Variants in SUN1 observed in about 807,000 individuals in gnomAD.
The protein encoded by SUN1 is Sad1 and UNC84 domain containing 1.
In SUN1, 61 loss-of-function variants were observed where a neutral mutation model predicts 103.2. The observed-to-expected ratio is 0.59, with a 90% CI of 0.48 to 0.73. SUN1 has a LOEUF of 0.73. Ranked by LOEUF, SUN1 falls within the 30% of genes least tolerant of loss-of-function variation. The probability of loss-of-function intolerance (pLI) is 0.00; values close to 1 mark genes in which losing one functional copy is unlikely to be tolerated. For missense variants in SUN1, 1,052 were observed against 1,034.6 expected (o/e 1.02, Z -0.23); for synonymous variants, 490 against 425.7 (o/e 1.15, Z -1.86).
At chr7:839,077 T>A in intron 2 of SUN1, 91 bp downstream of exon 2, 1 of 1,331,086 alleles carries the variant, frequency 7.5e-7, no homozygotes, top group African/African-American at 1.5e-5. Flanking sequence ...CCGCACCCTG[T>A]CTCGAGCTTA....
intron 5 of SUN1, chr7:843,840 G>C: frequency 7.3e-7 from 1 of 1,372,804 alleles, no homozygotes; most frequent in Non-Finnish European, 9.4e-7. Flanking sequence ...TTATAAAACG[G>C]CACAGATGTT....
intron 2 of SUN1, 145 bp downstream of exon 2, chr7:839,131 C>A: frequency 2.9e-6 from 2 of 685,628 alleles, no homozygotes; most frequent in Non-Finnish European, 4.3e-6. Flanking sequence ...ACAAACCTGT[C>A]ATATAAAGTG....
chr7:840,613 C>G (rs898676100), intron 2 of SUN1, among the ~76,000 whole-genome samples: 3 of 150,554 alleles, frequency 2.0e-5, no homozygotes, highest in Admixed American at 1.3e-4. Context: ...AATATGAATG[C>G]AGAAATTATT....
Position 843,197 on chromosome 7 carries a change from T to C in SUN1, c.452-9T>C. 1.2e-6 allele frequency: 2 copies of C among 1,608,534 alleles called. No homozygotes were observed. Among genetic ancestry groups the C allele is most frequent in the Non-Finnish European group, 1.7e-6 (2 of 1,179,602 alleles). On this transcript the variant is annotated splice_polypyrimidine_tract_variant and intron_variant, in intron 3 of 18. Transcript: ENST00000401592. Reference sequence around the variant, plus strand: ...AAAAATGTGTGTGTGTGTGTGTTTTTTTTTTTAGGTCTTGATGATGATGGT... The same window carrying C: ...AAAAATGTGTGTGTGTGTGTGTTTTCTTTTTTAGGTCTTGATGATGATGGT...
intron 13 of SUN1, among the ~76,000 whole-genome samples, chr7:858,802 A>C (rs1426543422): frequency 6.6e-6 from 1 of 152,218 alleles, no homozygotes; most frequent in Non-Finnish European, 1.5e-5. Context: ...TGGTAAGATT[A>C]TCTCTGATGT....
chr7:866,702 G>A (rs13228324), intron 16 of SUN1, among the ~76,000 whole-genome samples: 90 of 14,750 alleles, frequency 6.1e-3, no homozygotes, highest in Admixed American at 0.011. Flanking sequence ...CACCATCTCC[G>A]TGGGCCTTCG....
At chr7:870,177 C>T (rs889453929) in intron 17 of SUN1, among the ~76,000 whole-genome samples, 5 of 148,198 alleles carry the variant, frequency 3.4e-5, no homozygotes, top group Non-Finnish European at 7.4e-5. Flanking sequence ...TGCACTCCAG[C>T]CTGGGCAACA....
upstream of SUN1, among the ~76,000 whole-genome samples, chr7:828,793 C>T (rs1280382468): frequency 1.3e-5 from 2 of 152,236 alleles, no homozygotes; most frequent in African/African-American, 4.8e-5. Flanking sequence ...CTCCACCCGT[C>T]CATCCTCCAG....
At chr7:871,761 G>A (rs1841866756) in intron 17 of SUN1, among the ~76,000 whole-genome samples, 1 of 152,190 alleles carries the variant, frequency 6.6e-6, no homozygotes, top group Non-Finnish European at 1.5e-5. Context: ...TTCTTCCATA[G>A]CATTTCTTAT....
At chr7:852,469 A>G in intron 7 of SUN1, 140 bp from the exon 8 acceptor site, 1 of 940,832 alleles carries the variant, frequency 1.1e-6, no homozygotes. Flanking sequence ...AGGCATCAGA[A>G]GCCTTGTAGA....
chr7:854,927 T>C lies in SUN1; in HGVS notation c.1271T>C (p.Phe424Ser). Residue 424 changes from phenylalanine to serine, a missense_variant, in exon 11 of 19, where the codon TTT becomes TCT. By Grantham distance (155) the Phe-to-Ser change is radical. Around this residue, in one of 2 missense-constraint regions of SUN1, gnomAD observed 846 missense variants for 774.5 expected, o/e 1.09. Coordinates refer to ENST00000401592, the MANE Select transcript of SUN1 (RefSeq NM_001130965.3). ...CTCCTTCTCTTTCCTAAGACTGACT[T>C]TATGGCCTTTCACCAAGAACATGAA... ...AVGQPPRETD[F>S]MAFHQEHEVR... The C allele has an allele frequency of 1.2e-6, 2 of 1,612,862 alleles. No individual in the cohort carries two copies. Among genetic ancestry groups the C allele is most frequent in the Non-Finnish European group, 8.5e-7 (1 of 1,179,476 alleles).
intron 15 of SUN1, among the ~76,000 whole-genome samples, chr7:865,256 C>T (rs1400502494): frequency 2.6e-5 from 4 of 151,954 alleles, no homozygotes; most frequent in Admixed American, 2.0e-4. Context: ...TACAGGTGCC[C>T]GCCACCATGC....
chr7:843,952 A>AGCCCTGT (rs1812652423), intron 5 of SUN1: 1 of 1,037,648 alleles, frequency 9.6e-7, no homozygotes, highest in African/African-American at 1.7e-5. Flanking sequence ...CGTGGTCGCT[A>AGCCCTGT]GCCCTGTGCT....
At chr7:840,673 A>C in intron 2 of SUN1, among the ~76,000 whole-genome samples, 2 of 130,154 alleles carry the variant, frequency 1.5e-5, no homozygotes, top group Admixed American at 8.8e-5. Flanking sequence ...ACGGAGTCTC[A>C]CTCTGTCTCC....
At chr7:829,281 AC>A (rs1392360708), upstream of SUN1, among the ~76,000 whole-genome samples, 1 of 152,344 alleles carries the variant, frequency 6.6e-6, no homozygotes, top group African/African-American at 2.4e-5. Flanking sequence ...CTCTAATGTT[AC>A]ATTTCAGTTT....
intron 1 of SUN1, among the ~76,000 whole-genome samples, chr7:819,365 G>T (rs1783889541): frequency 6.6e-6 from 1 of 152,050 alleles, no homozygotes; most frequent in Admixed American, 6.6e-5. Flanking sequence ...TAATTTTTCT[G>T]TTTTTTCTTT....
chr7:836,554 T>C (rs1803421213), intron 1 of SUN1, among the ~76,000 whole-genome samples: 1 of 152,092 alleles, frequency 6.6e-6, no homozygotes, highest in Admixed American at 6.5e-5. Flanking sequence ...GAAGAGCTCA[T>C]GTTCTGGTTT....
At chr7:825,213 T>C (rs896684205) in intron 1 of SUN1, among the ~76,000 whole-genome samples, 35 of 152,164 alleles carry the variant, frequency 2.3e-4, no homozygotes, top group African/African-American at 6.7e-4. Flanking sequence ...CGCCCGCCAC[T>C]GCGCCCGGCT....
intron 5 of SUN1, among the ~76,000 whole-genome samples, chr7:847,345 C>T (rs1327032530): frequency 6.6e-6 from 1 of 150,524 alleles, no homozygotes; most frequent in African/African-American, 2.4e-5. Flanking sequence ...GGGGTTACCC[C>T]GCAGCGCCCT....
Sources: gnomAD v4.1 joint callset for allele counts (sites outside exome capture counted in the v4.1 genomes callset) on GRCh38, gnomAD v4.1.1 for gene constraint, gnomAD v4.1.1 regional missense constraint, MANE v1.5 for transcripts, NCBI Gene and HGNC (gene_info 2026-07-23, HGNC 2026-07-21) for gene names.